ENTREP2: variants seen among roughly 807,000 people sequenced by gnomAD.
ENTREP2 encodes the protein endosomal transmembrane epsin interactor 2, also known as protein ENTREP2.
the ENTREP2 span, among the ~76,000 whole-genome samples, chr15:29,659,290 G>C: frequency 6.6e-6 from 1 of 152,066 alleles, no homozygotes; most frequent in Admixed American, 6.6e-5. Flanking sequence ...CTAACACGGT[G>C]AAACCCCGTC....
At chr15:29,118,516 C>T in the ENTREP2 span, among the ~76,000 whole-genome samples, 39 of 152,324 alleles carry the variant, frequency 2.6e-4, no homozygotes, top group South Asian at 1.0e-3. Flanking sequence ...AGCTGGGCAA[C>T]GCCCCGCTGC....
the ENTREP2 span, among the ~76,000 whole-genome samples, chr15:29,370,662 G>A: frequency 1.3e-5 from 2 of 151,838 alleles, no homozygotes; most frequent in African/African-American, 2.4e-5. Flanking sequence ...TAGATACCCC[G>A]GCCCTATGCC....
At chr15:29,223,888 C>G in the ENTREP2 span, among the ~76,000 whole-genome samples, 1 of 152,204 alleles carries the variant, frequency 6.6e-6, no homozygotes, top group East Asian at 1.9e-4. Context: ...GACTGACAGA[C>G]GTCCCAGTGC....
the ENTREP2 span, chr15:29,675,257 C>T: frequency 1.3e-5 from 2 of 152,422 alleles, no homozygotes; most frequent in Non-Finnish European, 2.9e-5. Context: ...GCCACCCAGG[C>T]ACTTTCCGCC....
At chr15:29,435,533 A>C in the ENTREP2 span, among the ~76,000 whole-genome samples, 1 of 152,096 alleles carries the variant, frequency 6.6e-6, no homozygotes, top group Non-Finnish European at 1.5e-5. Context: ...AAACTTACCC[A>C]AGCCTTCAAA....
At chr15:29,340,370 G>C in the ENTREP2 span, among the ~76,000 whole-genome samples, 1 of 152,144 alleles carries the variant, frequency 6.6e-6, no homozygotes, top group Non-Finnish European at 1.5e-5. Context: ...GTAGACAATG[G>C]GGAAGCATCA....
chr15:29,554,200 G>GGTACT, the ENTREP2 span, among the ~76,000 whole-genome samples: 1 of 151,914 alleles, frequency 6.6e-6, no homozygotes, highest in Admixed American at 6.6e-5. Flanking sequence ...TGTAATCCCA[G>GGTACT]GTACTCAGGA....
the ENTREP2 span, among the ~76,000 whole-genome samples, chr15:29,389,155 GA>G: frequency 2.8e-3 from 390 of 139,988 alleles, 2 homozygotes; most frequent in African/African-American, 5.1e-3. Flanking sequence ...CAGGAACTAT[GA>G]AAAAAAAAAA....
chr15:29,592,535 CG>C, the ENTREP2 span, among the ~76,000 whole-genome samples: 23,348 of 152,016 alleles, frequency 0.15, 2,578 homozygotes, highest in East Asian at 0.44. Flanking sequence ...AATCCATTTG[CG>C]GGGGGCGGAG....
chr15:29,481,872 A>G, the ENTREP2 span, among the ~76,000 whole-genome samples: 1 of 152,276 alleles, frequency 6.6e-6, no homozygotes, highest in South Asian at 2.1e-4. Flanking sequence ...CATACATGTT[A>G]TTATTTAGGG....
the ENTREP2 span, among the ~76,000 whole-genome samples, chr15:29,300,292 GTGGGTAGATGGA>G: frequency 1.6e-5 from 1 of 61,492 alleles, no homozygotes; most frequent in African/African-American, 8.0e-5. Context: ...GAATCGGTAG[GTGGGTAGATGGA>G]TGGATGGATG....
At chr15:29,650,958 G>T in the ENTREP2 span, among the ~76,000 whole-genome samples, 3 of 152,226 alleles carry the variant, frequency 2.0e-5, no homozygotes, top group Admixed American at 2.0e-4. Context: ...TGAGACTGCA[G>T]TCAGCTATGA....
chr15:29,464,366 C>A, the ENTREP2 span, among the ~76,000 whole-genome samples: 1 of 152,138 alleles, frequency 6.6e-6, no homozygotes. Context: ...ACTTTCATTA[C>A]CAGCTTCTCA....
the ENTREP2 span, among the ~76,000 whole-genome samples, chr15:29,426,231 G>A: frequency 2.0e-5 from 3 of 152,108 alleles, no homozygotes; most frequent in Non-Finnish European, 2.9e-5. Context: ...TCACATACAT[G>A]AGCTTAGAAA....
the ENTREP2 span, among the ~76,000 whole-genome samples, chr15:29,336,194 C>T: frequency 2.0e-5 from 3 of 150,572 alleles, no homozygotes; most frequent in African/African-American, 7.3e-5. Context: ...CTTTTCCTAT[C>T]GTCATACTTG....
chr15:29,348,964 A>G, the ENTREP2 span, among the ~76,000 whole-genome samples: 5 of 152,262 alleles, frequency 3.3e-5, no homozygotes, highest in Admixed American at 3.3e-4. Context: ...TCTGAGACCT[A>G]ATTTGATAAC....
chr15:29,239,483 G>A, the ENTREP2 span, among the ~76,000 whole-genome samples: 12 of 152,036 alleles, frequency 7.9e-5, no homozygotes, highest in Admixed American at 2.0e-4. Context: ...ATCTCCCAGG[G>A]ACACCCCTCT....
At chr15:29,159,275 G>T in the ENTREP2 span, among the ~76,000 whole-genome samples, 1 of 151,918 alleles carries the variant, frequency 6.6e-6, no homozygotes, top group African/African-American at 2.4e-5. Flanking sequence ...GTCTGAAGTT[G>T]CTCATTCCTC....
the ENTREP2 span, among the ~76,000 whole-genome samples, chr15:29,393,391 A>C: frequency 6.4e-4 from 98 of 152,304 alleles, no homozygotes; most frequent in Admixed American, 1.7e-3. Context: ...CCTACCTTGC[A>C]GTGGGCACCA....
Sources: gnomAD v4.1 joint callset for allele counts (sites outside exome capture counted in the v4.1 genomes callset) on GRCh38, gnomAD v4.1.1 for gene constraint, MANE v1.5 for transcripts, NCBI Gene and HGNC (gene_info 2026-07-23, HGNC 2026-07-21) for gene names.